The following FYN variants were observed in gnomAD, a reference collection of about 807,000 sequenced individuals.
FYN encodes the protein FYN proto-oncogene, Src family tyrosine kinase.
A neutral mutation model predicts 70.2 loss-of-function variants in FYN; 10 were observed. That is an observed-to-expected ratio of 0.14 (90% CI 0.09 to 0.24). The LOEUF is 0.24. Ranked by LOEUF, FYN falls within the 10% of genes least tolerant of loss-of-function variation. The probability of loss-of-function intolerance (pLI) is 1.00; values close to 1 mark genes in which losing one functional copy is unlikely to be tolerated. For missense variants in FYN, 319 were observed against 673.1 expected (o/e 0.47, Z 5.82); for synonymous variants, 236 against 248.6 (o/e 0.95, Z 0.48).
intron 12 of FYN, among the ~76,000 whole-genome samples, chr6:111,682,768 A>G (rs984341480): frequency 6.6e-6 from 1 of 152,244 alleles, no homozygotes; most frequent in African/African-American, 2.4e-5. Flanking sequence ...TTGATCATTT[A>G]AAACATCCCT....
At position 111,694,242 on chromosome 6, in the gene FYN, G is replaced by T; in HGVS notation, c.1273+133C>A. On this transcript the variant is annotated intron_variant, in intron 12 of 13. Coordinates refer to ENST00000354650, the MANE Select transcript of FYN (RefSeq NM_002037.5). This position sits in a 1 kb window ranked among gnomAD's most constrained non-coding sequence, Gnocchi z 5.0. ...TGTCAAATTCCTGCCAGATCAAGGT[G>T]TCCAAACCAAGCTGAAGAATGACAT... is the stretch of plus-strand genomic sequence containing the variant. 2 of 1,192,988 alleles carry T rather than the reference G, an allele frequency of 1.7e-6. No homozygotes were observed. Among genetic ancestry groups the T allele is most frequent in the Non-Finnish European group, 2.4e-6 (2 of 837,648 alleles). 73.9% of individuals were successfully genotyped at this position (1,192,988 alleles called of 1,614,324 possible). A position where few individuals can be genotyped will look rare whatever the true frequency, so the allele number is the denominator to read the frequency against.
intron 12 of FYN, among the ~76,000 whole-genome samples, chr6:111,689,435 G>A (rs940823675): frequency 6.6e-6 from 1 of 152,204 alleles, no homozygotes. Context: ...GGTTTGCCCT[G>A]TAATTACCAA....
intron 2 of FYN, chr6:111,798,546 T>C (rs1031494662): frequency 2.0e-5 from 3 of 152,214 alleles, no homozygotes; most frequent in African/African-American, 7.2e-5. Flanking sequence ...AAATGACCCA[T>C]TGGGCTGACA....
At chr6:111,864,677 C>T (rs936648685) in intron 1 of FYN, among the ~76,000 whole-genome samples, 4 of 152,098 alleles carry the variant, frequency 2.6e-5, no homozygotes, top group Non-Finnish European at 4.4e-5. Flanking sequence ...GAGACTTCCA[C>T]GGTGGGTAAA....
At chr6:111,774,127 T>C (rs1803612739) in intron 3 of FYN, among the ~76,000 whole-genome samples, 1 of 152,112 alleles carries the variant, frequency 6.6e-6, no homozygotes, top group Non-Finnish European at 1.5e-5. Context: ...ATAGGACAGG[T>C]ACAATATAAC....
At chr6:111,767,932 G>C (rs17809326) in intron 3 of FYN, among the ~76,000 whole-genome samples, 1 of 152,028 alleles carries the variant, frequency 6.6e-6, no homozygotes, top group African/African-American at 2.4e-5. Flanking sequence ...TTTTTTTGAC[G>C]TTAGAATCAA....
At chr6:111,810,040 A>G (rs911061911) in intron 2 of FYN, among the ~76,000 whole-genome samples, 1 of 152,208 alleles carries the variant, frequency 6.6e-6, no homozygotes, top group South Asian at 2.1e-4. Flanking sequence ...CAGTGAAGGT[A>G]GTAGCTCTCT....
intron 3 of FYN, among the ~76,000 whole-genome samples, chr6:111,770,329 C>G (rs1272990024): frequency 6.6e-6 from 1 of 152,160 alleles, no homozygotes; most frequent in African/African-American, 2.4e-5. Context: ...TCTAAACTGG[C>G]TTCTAGATAG....
intron 2 of FYN, among the ~76,000 whole-genome samples, chr6:111,791,451 T>C (rs1033630761): frequency 5.9e-5 from 9 of 152,168 alleles, no homozygotes; most frequent in African/African-American, 1.7e-4. Flanking sequence ...TATTTGGAAA[T>C]AGGGTTGTTG....
chr6:111,685,414 G>C (rs1367208221), intron 12 of FYN, among the ~76,000 whole-genome samples: 1 of 152,232 alleles, frequency 6.6e-6, no homozygotes, highest in Non-Finnish European at 1.5e-5. Flanking sequence ...ACATCACTTT[G>C]GGGTGGCTTT....
chr6:111,761,202 G>A (rs1483462804), intron 3 of FYN, among the ~76,000 whole-genome samples: 1 of 152,244 alleles, frequency 6.6e-6, no homozygotes, highest in Non-Finnish European at 1.5e-5. Flanking sequence ...TAGGCAGGGA[G>A]CCTTCACATT....
chr6:111,797,665 C>CATATAT (rs57984132), intron 2 of FYN, among the ~76,000 whole-genome samples: 264 of 90,830 alleles, frequency 2.9e-3, no homozygotes, highest in Non-Finnish European at 5.2e-3. Flanking sequence ...ATCAAAGTTT[C>CATATAT]ATATATATAT....
At chr6:111,754,529 T>C (rs140210848) in intron 3 of FYN, 102 of 152,324 alleles carry the variant, frequency 6.7e-4, no homozygotes, top group African/African-American at 2.4e-3. Flanking sequence ...TGGATCTTTC[T>C]TTAAAAAACA....
At position 111,846,646 on chromosome 6, in the gene FYN, A is replaced by G. The variant is rs1349930672; in HGVS notation, c.-122-17T>C. 2.3e-5 allele frequency: 9 copies of G among 398,860 alleles called. No individual in the cohort carries two copies. Among genetic ancestry groups the G allele is most frequent in the Non-Finnish European group, 4.0e-5 (9 of 226,078 alleles). The allele number at this position is 398,860 out of a possible 1,614,324, so 24.7% of individuals were successfully genotyped here. On this transcript the variant is annotated splice_polypyrimidine_tract_variant and intron_variant, in intron 1 of 13. Transcript: ENST00000354650. ...TCAAAAAAACTGTAGAAGAAGAAAA[A>G]AAAAAGTGAGACATCAAAAGAGAAC...
intron 2 of FYN, among the ~76,000 whole-genome samples, chr6:111,830,752 A>G (rs1772990472): frequency 6.6e-6 from 1 of 152,150 alleles, no homozygotes; most frequent in African/African-American, 2.4e-5. Flanking sequence ...ATGACAACCT[A>G]TAATATTAGT....
intron 2 of FYN, among the ~76,000 whole-genome samples, chr6:111,793,019 G>A (rs1771678430): frequency 6.6e-6 from 1 of 152,066 alleles, no homozygotes; most frequent in Admixed American, 6.6e-5. Flanking sequence ...GCACTTTTCT[G>A]CATGAATGCT....
At chr6:111,750,321 A>G (rs890061255) in intron 3 of FYN, among the ~76,000 whole-genome samples, 1 of 152,040 alleles carries the variant, frequency 6.6e-6, no homozygotes, top group African/African-American at 2.4e-5. Context: ...TGGTTGTTTA[A>G]AAGTGGGTAG....
chr6:111,838,514 C>T (rs921123145), intron 2 of FYN, among the ~76,000 whole-genome samples: 4 of 152,240 alleles, frequency 2.6e-5, no homozygotes, highest in African/African-American at 4.8e-5. Context: ...ACACTAACAT[C>T]ACAGAAGAAC....
At chr6:111,798,406 G>A (rs1214592457) in intron 2 of FYN, 1 of 152,194 alleles carries the variant, frequency 6.6e-6, no homozygotes, top group Non-Finnish European at 1.5e-5. Context: ...CAGTCCCCAG[G>A]ATGAGATGAC....
Sources: allele counts gnomAD v4.1 joint callset (sites outside exome capture counted in the v4.1 genomes callset), GRCh38; gene constraint gnomAD v4.1.1; non-coding constraint Gnocchi (gnomAD v3.1); transcripts MANE v1.5; gene names NCBI Gene and HGNC (gene_info 2026-07-23, HGNC 2026-07-21).